Variants in SLC24A2 observed in about 807,000 individuals in gnomAD.
The protein encoded by SLC24A2 is solute carrier family 24 member 2.
SLC24A2 carries 36 observed loss-of-function variants against 62.0 expected under a neutral mutation model. The ratio of observed to expected loss-of-function variants is 0.58; its 90% CI spans 0.44 to 0.77. The LOEUF is 0.77. Among genes scored for constraint, SLC24A2 ranks in the 30% least tolerant of loss-of-function variants. The pLI is 0.00. For missense variants in SLC24A2, 846 were observed against 817.9 expected, an observed-to-expected ratio of 1.03 and a Z score of -0.42; for synonymous variants, 358 against 294.0, an observed-to-expected ratio of 1.22 and a Z score of -2.23.
At chr9:20,181,511 A>G in the SLC24A2 span, among the ~76,000 whole-genome samples, 1 of 152,164 alleles carries the variant, frequency 6.6e-6, no homozygotes, top group African/African-American at 2.4e-5. Flanking sequence ...TCTTTGACAA[A>G]CCTGACAAAA....
the SLC24A2 span, among the ~76,000 whole-genome samples, chr9:20,074,618 G>T: frequency 8.4e-4 from 117 of 138,722 alleles, 1 homozygote; most frequent in East Asian, 9.9e-3. Flanking sequence ...AGGGAGTGAG[G>T]GAGGGAGGGA....
chr9:19,885,527 C>A, the SLC24A2 span, among the ~76,000 whole-genome samples: 22 of 152,172 alleles, frequency 1.4e-4, no homozygotes, highest in African/African-American at 5.3e-4. Flanking sequence ...GATGAGGAAA[C>A]AAGCTCAGAG....
chr9:20,218,588 T>TA, the SLC24A2 span, among the ~76,000 whole-genome samples: 1 of 152,160 alleles, frequency 6.6e-6, no homozygotes, highest in Non-Finnish European at 1.5e-5. Context: ...TATAACAGGG[T>TA]AATTGTTGTA....
the SLC24A2 span, among the ~76,000 whole-genome samples, chr9:20,258,683 G>A: frequency 1.3e-5 from 2 of 151,996 alleles, no homozygotes; most frequent in African/African-American, 4.8e-5. Flanking sequence ...TTTCTGGTTC[G>A]CCAGCTTGCA....
the SLC24A2 span, among the ~76,000 whole-genome samples, chr9:20,142,934 A>C: frequency 6.6e-6 from 1 of 152,182 alleles, no homozygotes; most frequent in Non-Finnish European, 1.5e-5. Context: ...GAAGGAGGTC[A>C]TCTGCTGGAG....
At chr9:20,249,764 A>C in the SLC24A2 span, among the ~76,000 whole-genome samples, 573 of 151,952 alleles carry the variant, frequency 3.8e-3, 1 homozygote, top group African/African-American at 0.012. Context: ...CTGAGTAATA[A>C]TATCTGCTAT....
In SLC24A2 at chr9:19,508,062, A is replaced by G. The variant is rs184428898; in HGVS notation, c.*8091T>C. The G allele has an allele frequency of 1.3e-5, 2 of 152,224 alleles. No homozygotes were observed. Among genetic ancestry groups the G allele is most frequent in the African/African-American group, 4.8e-5 (2 of 41,464 alleles). The allele number at this position is 152,224 out of a possible 1,614,324, so 9.4% of individuals were successfully genotyped here. ...TGCTTTTAGTGCTAGCAGCAACTTC[A>G]CTGAATCAGGAAGGTAGCTTTTGCT... On this transcript the variant is annotated 3_prime_UTR_variant, in exon 11 of 11. Coordinates refer to ENST00000341998, the MANE Select transcript of SLC24A2 (RefSeq NM_020344.4).
the SLC24A2 span, among the ~76,000 whole-genome samples, chr9:20,195,896 A>G: frequency 6.6e-6 from 1 of 152,190 alleles, no homozygotes; most frequent in Admixed American, 6.5e-5. Flanking sequence ...TGGTATACAA[A>G]AAAAAGGTTA....
chr9:19,842,187 CG>C, the SLC24A2 span, among the ~76,000 whole-genome samples: 2 of 152,148 alleles, frequency 1.3e-5, no homozygotes, highest in African/African-American at 4.8e-5. Context: ...CTGTCAGCAC[CG>C]CATCCAAGGA....
intron 8 of SLC24A2, among the ~76,000 whole-genome samples, chr9:19,545,687 G>A (rs1340927856): frequency 6.6e-6 from 1 of 150,830 alleles, no homozygotes; most frequent in Non-Finnish European, 1.5e-5. Context: ...TGCTTACGCT[G>A]GAGTGCAGTG....
the SLC24A2 span, among the ~76,000 whole-genome samples, chr9:20,131,237 C>T: frequency 6.6e-6 from 1 of 152,106 alleles, no homozygotes; most frequent in African/African-American, 2.4e-5. Flanking sequence ...CATCTCCCCT[C>T]ACAGTAGATT....
the SLC24A2 span, among the ~76,000 whole-genome samples, chr9:20,236,648 G>A: frequency 0.015 from 2,238 of 152,298 alleles, 53 homozygotes; most frequent in African/African-American, 0.051. Context: ...TGAATTTACA[G>A]TCATGTACTC....
At chr9:20,275,253 G>A in the SLC24A2 span, among the ~76,000 whole-genome samples, 1 of 152,128 alleles carries the variant, frequency 6.6e-6, no homozygotes, top group East Asian at 1.9e-4. Flanking sequence ...AAAGAAAAGA[G>A]GACTTGAAAA....
At position 19,786,877 on chromosome 9, in the gene SLC24A2, C is replaced by T. The variant is rs1297638217; in HGVS notation, c.-11G>A. 2 of 1,605,992 alleles carry T rather than the reference C, an allele frequency of 1.2e-6. No homozygotes were observed. Among genetic ancestry groups the T allele is most frequent in the South Asian group, 1.1e-5 (1 of 91,020 alleles). On this transcript the variant is annotated 5_prime_UTR_variant, in exon 2 of 11. Transcript: ENST00000341998. This position sits in a 1 kb window ranked among gnomAD's most constrained non-coding sequence, Gnocchi z 5.0. ...TTGTTGCAGATCCATCCTGGGTCTT[C>T]TGGTGGATATGGTGATCTTCCAACT... is the stretch of plus-strand genomic sequence containing the variant.
the SLC24A2 span, among the ~76,000 whole-genome samples, chr9:20,087,277 T>C: frequency 6.6e-6 from 1 of 152,260 alleles, no homozygotes; most frequent in Non-Finnish European, 1.5e-5. Context: ...CTGGGGAAGA[T>C]TCTTGATCCT....
At chr9:19,559,859 G>A (rs1449207003) in intron 7 of SLC24A2, among the ~76,000 whole-genome samples, 1 of 152,090 alleles carries the variant, frequency 6.6e-6, no homozygotes, top group Non-Finnish European at 1.5e-5. Context: ...CCTTCCTTAT[G>A]TCAATGGACT....
At chr9:19,654,084 C>T (rs538720364) in intron 2 of SLC24A2, among the ~76,000 whole-genome samples, 13 of 152,174 alleles carry the variant, frequency 8.5e-5, no homozygotes, top group Non-Finnish European at 1.5e-4. Context: ...CCTTTGTAAT[C>T]CCCAACCTAT....
chr9:20,232,558 A>G, the SLC24A2 span, among the ~76,000 whole-genome samples: 2 of 152,076 alleles, frequency 1.3e-5, no homozygotes, highest in Non-Finnish European at 2.9e-5. Context: ...GGTAGTTTGT[A>G]TTTCTGTGGG....
At chr9:20,132,538 C>CAA in the SLC24A2 span, among the ~76,000 whole-genome samples, 1 of 152,056 alleles carries the variant, frequency 6.6e-6, no homozygotes, top group Non-Finnish European at 1.5e-5. Context: ...ACCATTATCT[C>CAA]AAACACTGAT....
Sources: allele counts gnomAD v4.1 joint callset (sites outside exome capture counted in the v4.1 genomes callset), GRCh38; gene constraint gnomAD v4.1.1; non-coding constraint Gnocchi (gnomAD v3.1); transcripts MANE v1.5; gene names NCBI Gene and HGNC (gene_info 2026-07-23, HGNC 2026-07-21).